PPM1M: variants seen among roughly 807,000 people sequenced by gnomAD.
The protein encoded by PPM1M is protein phosphatase, Mg2+/Mn2+ dependent 1M.
PPM1M carries 44 observed loss-of-function variants against 50.8 expected under a neutral mutation model. The observed-to-expected ratio is 0.87, with a 90% CI of 0.68 to 1.11. The LOEUF is 1.11. PPM1M is among the 50% of genes most tolerant of loss of function. The pLI is 0.00. For synonymous variants in PPM1M, 224 were observed against 242.9 expected, an observed-to-expected ratio of 0.92 and a Z score of 0.72; for missense variants, 556 against 593.4, an observed-to-expected ratio of 0.94 and a Z score of 0.66.
Position 52,247,130 on chromosome 3 carries a change from C to A in PPM1M, c.499C>A (p.Arg167Ser). 8 of 1,610,188 alleles carry A rather than the reference C, an allele frequency of 5.0e-6. No individual in the cohort carries two copies. Among genetic ancestry groups the A allele is most frequent in the Non-Finnish European group, 6.8e-6 (8 of 1,178,350 alleles). The change falls in exon 3 of 10, where the codon CGC (arginine) becomes AGC (serine). Residue 167 changes from arginine (R) to serine (S), a missense_variant. By Grantham distance (110) the Arg-to-Ser change is moderately radical. Transcript: ENST00000323588. ...ATQPPMHLNG[R>S]CICPSDPQFV... ...TCAGCCCCCCATGCACCTCAATGGC[C>A]GCTGCATCTGCCCCAGTGACCCTCA...
At chr3:52,249,438 G>C in intron 9 of PPM1M, 116 bp downstream of exon 9, 1 of 1,409,590 alleles carries the variant, frequency 7.1e-7, no homozygotes, top group South Asian at 1.2e-5. Context: ...CCAGGATCAG[G>C]GCTGTCTCAA....
Position 52,247,078 on chromosome 3 carries a change from G to C in PPM1M, c.447G>C (p.Glu149Asp). The C allele has an allele frequency of 6.3e-7, 1 of 1,578,842 alleles. No individual in the cohort carries two copies. The highest frequency in any genetic ancestry group is 2.3e-5 in the East Asian group (1 of 42,928). The stretch of plus-strand genomic sequence containing the variant: ...ACTCCTGCTTGCGCCGGCAGCTGGA[G>C]GCCGTGGTGGAAGGCTTGGTGGCCA... Reference protein sequence around the residue: ...TLHSCLRRQLEAVVEGLVATQ... With the variant: ...TLHSCLRRQLDAVVEGLVATQ... Residue 149 changes from glutamate to aspartate, a missense_variant, in exon 3 of 10, where the codon GAG becomes GAC. Physicochemically the swap from Glu to Asp is conservative, Grantham distance 45 (BLOSUM62 2). Coordinates refer to ENST00000323588, the MANE Select transcript of PPM1M (RefSeq NM_144641.4).
At position 52,245,820 on chromosome 3, in the gene PPM1M, G is replaced by C; in HGVS notation, c.-5G>C. ...GCTCCGCGGGCAGCCCCCTGCCGCC[G>C]CGCCATGTCCGCCGGCTGGTTCCGG... On this transcript the variant is annotated 5_prime_UTR_variant, in exon 1 of 10. Transcript: ENST00000323588. The surrounding 1 kb of genome is among the most constrained non-coding windows in gnomAD (Gnocchi z 4.8). 3.9e-6 allele frequency: 4 copies of C among 1,028,158 alleles called. No individual in the cohort carries two copies. The highest frequency in any genetic ancestry group is 4.7e-6 in the Non-Finnish European group (4 of 858,414). 63.7% of individuals were successfully genotyped at this position (1,028,158 alleles called of 1,614,324 possible).
rs749613079 is a variant in PPM1M at position 52,249,696 on chromosome 3, T to C, written c.1262T>C (p.Ile421Thr). Residue 421 changes from isoleucine to threonine, a missense_variant, in exon 10 of 10, where the codon ATA becomes ACA. Physicochemically the swap from Ile to Thr is moderately conservative, Grantham distance 89. Coordinates refer to ENST00000323588, the MANE Select transcript of PPM1M (RefSeq NM_144641.4). ...TTCTCAAAGCTGGCCCAGATGCTGA[T>C]ACACAGCACACAGGGAAAGGAAGAC... ...HRFSKLAQML[I>T]HSTQGKEDSL... 32 of 1,613,796 alleles carry C rather than the reference T, an allele frequency of 2.0e-5. No individual in the cohort carries two copies. The South Asian group carries it at 3.2e-4, about 16-fold the overall frequency.
intron 8 of PPM1M, 37 bp from the exon 9 acceptor site, chr3:52,249,137 G>C (rs755378702): frequency 1.7e-5 from 27 of 1,612,332 alleles, no homozygotes; most frequent in South Asian, 3.3e-5. Flanking sequence ...TGGGAGTCGG[G>C]AAGGGAGTGT....
intron 1 of PPM1M, chr3:52,246,321 T>G (rs1577993811): frequency 9.7e-7 from 1 of 1,032,900 alleles, no homozygotes; most frequent in Non-Finnish European, 1.2e-6. Context: ...CTCGGTAGAG[T>G]TCCAGCATTC....
chr3:52,246,005 C>A lies in PPM1M; in HGVS notation c.181C>A (p.Pro61Thr). 8.1e-7 allele frequency: 1 copy of A among 1,234,936 alleles called. No individual in the cohort carries two copies. The highest frequency in any genetic ancestry group is 1.0e-6 in the Non-Finnish European group (1 of 962,928). 76.5% of individuals were successfully genotyped at this position (1,234,936 alleles called of 1,614,324 possible). Residue 61 changes from proline (P) to threonine (T), a missense_variant, in exon 1 of 10, where the codon CCC becomes ACC. Physicochemically the swap from Pro to Thr is conservative, Grantham distance 38 (BLOSUM62 -1). Coordinates refer to ENST00000323588, the MANE Select transcript of PPM1M (RefSeq NM_144641.4). ...CCCAGACTCCCGGCCCGTGCGCAGC[C>A]CCGCACGAGGACGCACGCTACCCTG... is the stretch of plus-strand genomic sequence containing the variant. Reference protein sequence around the residue: ...RRPDSRPVRSPARGRTLPWNA... With the variant: ...RRPDSRPVRSTARGRTLPWNA...
intron 3 of PPM1M, chr3:52,247,434 T>C (rs185002397): frequency 1.6e-5 from 12 of 772,140 alleles, no homozygotes; most frequent in African/African-American, 8.7e-5. Flanking sequence ...TAACTGCTTT[T>C]ACCTGCATCA....
At chr3:52,247,981 G>A (rs546506244) in intron 4 of PPM1M, among the ~76,000 whole-genome samples, 172 bp from the exon 5 acceptor site, 15 of 152,300 alleles carry the variant, frequency 9.8e-5, no homozygotes, top group Non-Finnish European at 1.9e-4. Context: ...CAAAGGCCCC[G>A]CTAAAGGGCT....
At chr3:52,246,290 T>C in intron 1 of PPM1M, 1 of 1,032,074 alleles carries the variant, frequency 9.7e-7, no homozygotes, top group South Asian at 3.2e-5. Context: ...GCCCAGGGGC[T>C]TCCAAGATGA....
chr3:52,246,271 G>C, intron 1 of PPM1M: 1 of 1,029,654 alleles, frequency 9.7e-7, no homozygotes, highest in South Asian at 3.2e-5. Context: ...AGGTCGGGAA[G>C]GACCTGCAGC....
In PPM1M at chr3:52,249,889, G is replaced by A; in HGVS notation, c.*75G>A. 2 of 1,435,888 alleles carry A rather than the reference G, an allele frequency of 1.4e-6. No individual in the cohort carries two copies. The highest frequency in any genetic ancestry group is 2.4e-5 in the East Asian group (1 of 41,528). 88.9% of individuals were successfully genotyped at this position (1,435,888 alleles called of 1,614,324 possible). A position where few individuals can be genotyped will look rare whatever the true frequency, so the allele number is the denominator to read the frequency against. On this transcript the variant is annotated 3_prime_UTR_variant, in exon 10 of 10. Coordinates refer to ENST00000323588, the MANE Select transcript of PPM1M (RefSeq NM_144641.4). ...GGGCATCCCTCCAGTGTGACCAAGA[G>A]CAAATCCTGCCTGCCCTATCCCTAG...
At chr3:52,246,558 T>C (rs1417714075) in intron 1 of PPM1M, 137 bp from the exon 2 acceptor site, 1 of 508,066 alleles carries the variant, frequency 2.0e-6, no homozygotes, top group Admixed American at 3.4e-5. Context: ...CGTGGTTGTC[T>C]AAGTGTGTGT....
Position 52,249,788 on chromosome 3 carries a change from C to G in PPM1M, c.1354C>G (p.Gln452Glu). 1 of 1,613,732 alleles carries G rather than the reference C, an allele frequency of 6.2e-7. No individual in the cohort carries two copies. Among genetic ancestry groups the G allele is most frequent in the South Asian group, 1.1e-5 (1 of 91,050 alleles). ...TGTGTTCGTGATTCCCTTGCACAGT[C>G]AGGGCCAAGAGAGCAGTGACCACTG... ...VSVFVIPLHS[Q>E]GQESSDH is the part of the protein sequence containing the mutation. The change falls in exon 10 of 10, where the codon CAG (glutamine) becomes GAG (glutamate). Residue 452 changes from glutamine to glutamate, a missense_variant. Coordinates refer to ENST00000323588, the MANE Select transcript of PPM1M (RefSeq NM_144641.4).
Position 52,248,700 on chromosome 3 carries a change from G to A in PPM1M, c.978G>A (p.Gln326=). 1 of 1,613,578 alleles carries A rather than the reference G, an allele frequency of 6.2e-7. No homozygotes were observed. Among genetic ancestry groups the A allele is most frequent in the South Asian group, 1.1e-5 (1 of 91,058 alleles). The change falls in exon 7 of 10, where the codon CAG becomes CAA. Residue 326 remains glutamine, a splice_region_variant and synonymous_variant. Transcript: ENST00000323588. ...KYPLIHGQGR[Q]ARLLGTLAVS... ...CACTGATCCATGGACAGGGTAGGCA[G>A]GTCAGTGCCTGGTCCTCCTCAACCC... is the stretch of plus-strand genomic sequence containing the variant.
chr3:52,248,308 G>T, intron 5 of PPM1M, 27 bp from the exon 6 acceptor site: 1 of 1,605,370 alleles, frequency 6.2e-7, no homozygotes, highest in South Asian at 1.1e-5. Flanking sequence ...GAAGGAGTAT[G>T]ACCTGAGCGC....
Position 52,249,847 on chromosome 3 carries a change from G to C in PPM1M, c.*33G>C. ...GACACTGTATCCCAGAACTGCTCTA[G>C]TGCCCGGGTGTGGTCTGGGCATCCC... On this transcript the variant is annotated 3_prime_UTR_variant, in exon 10 of 10. Coordinates refer to ENST00000323588, the MANE Select transcript of PPM1M (RefSeq NM_144641.4). 2 of 1,590,900 alleles carry C rather than the reference G, an allele frequency of 1.3e-6. No individual in the cohort carries two copies. The highest frequency in any genetic ancestry group is 1.7e-6 in the Non-Finnish European group (2 of 1,166,184).
intron 6 of PPM1M, 28 bp from the exon 7 acceptor site, chr3:52,248,609 G>T: frequency 6.2e-7 from 1 of 1,613,038 alleles, no homozygotes. Flanking sequence ...CACAGGGCTT[G>T]GGTTGATGCT....
chr3:52,247,567 C>T (rs1183449902), intron 3 of PPM1M, 115 bp from the exon 4 acceptor site: 3 of 751,982 alleles, frequency 4.0e-6, no homozygotes, highest in Admixed American at 4.4e-5. Context: ...GGACTTTGGG[C>T]TGGGACTGTC....
Sources: gnomAD v4.1 joint callset for allele counts (sites outside exome capture counted in the v4.1 genomes callset) on GRCh38, gnomAD v4.1.1 for gene constraint, Gnocchi (gnomAD v3.1) non-coding constraint, MANE v1.5 for transcripts, NCBI Gene and HGNC (gene_info 2026-07-23, HGNC 2026-07-21) for gene names.